The following ZNF121 variants were observed in gnomAD, a reference collection of about 807,000 sequenced individuals.
ZNF121 encodes the protein zinc finger protein 121 (clone ZHC32).
A neutral mutation model predicts 2.4 loss-of-function variants in ZNF121; 1 was observed. The observed-to-expected ratio is 0.41, with a 90% CI of 0.15 to 1.94. The LOEUF is 1.94. Ranked by LOEUF, ZNF121 falls within the 30% of genes most tolerant of loss-of-function variation. The pLI is 0.30. For synonymous variants in ZNF121, 173 were observed against 158.6 expected (o/e 1.09, Z -0.68); for missense variants, 369 against 466.3 (o/e 0.79, Z 1.92).
At chr19:9,584,121 G>C (rs555825314) in intron 1 of ZNF121, 3 of 152,334 alleles carry the variant, frequency 2.0e-5, no homozygotes, top group Non-Finnish European at 4.4e-5. Flanking sequence ...GCGGAAATGC[G>C]GGGCCGGAGC....
At chr19:9,570,745 G>A (rs542451334) in intron 1 of ZNF121, among the ~76,000 whole-genome samples, 104 of 35,386 alleles carry the variant, frequency 2.9e-3, no homozygotes, top group Admixed American at 4.4e-3. Flanking sequence ...TTTTTGCGAG[G>A]GGGGGGGGTA....
chr19:9,577,819 C>A (rs1242764998), intron 1 of ZNF121, among the ~76,000 whole-genome samples: 4 of 151,852 alleles, frequency 2.6e-5, no homozygotes, highest in Non-Finnish European at 5.9e-5. Context: ...GAGGCCGAGG[C>A]AGGTGGATCA....
In ZNF121 at chr19:9,560,471, ACACT is replaced by A. The variant is rs2074094995; in HGVS notation, c.*5465_*5468del. 1 of 152,210 alleles carries A rather than the reference ACACT, an allele frequency of 6.6e-6. No individual in the cohort carries two copies. The highest frequency in any genetic ancestry group is 2.4e-5 in the African/African-American group (1 of 41,460). The allele number at this position is 152,210 out of a possible 1,614,324, so 9.4% of individuals were successfully genotyped here. A position where few individuals can be genotyped will look rare whatever the true frequency, so the allele number is the denominator to read the frequency against. ...AAAGCTTTTCCATCTTGCGTGGCTG[ACACT>A]CAATACCCATTGAACAACTCATTTT... On this transcript the variant is annotated 3_prime_UTR_variant, in exon 4 of 4. Coordinates refer to ENST00000320451, the MANE Select transcript of ZNF121 (RefSeq NM_001008727.5).
chr19:9,566,863 C>G lies in ZNF121; in HGVS notation c.250G>C (p.Gly84Arg). 1.2e-6 allele frequency: 2 copies of G among 1,614,206 alleles called. No homozygotes were observed. Among genetic ancestry groups the G allele is most frequent in the Non-Finnish European group, 1.7e-6 (2 of 1,180,030 alleles). ...PPNVHQRTWIGDKSFEYSDCE... is the reference protein window; with the variant it reads ...PPNVHQRTWIRDKSFEYSDCE... ...TCACTGTATTCAAAGGATTTGTCTC[C>G]TATCCACGTTCTCTGGTGAACATTT... The change falls in exon 4 of 4, where the codon GGA becomes CGA. Residue 84 changes from glycine to arginine, a missense_variant. This residue lies in a region of ZNF121 where 168 missense variants were observed against 162.3 expected (regional missense o/e 1.03). Coordinates refer to ENST00000320451, the MANE Select transcript of ZNF121 (RefSeq NM_001008727.5).
intron 1 of ZNF121, among the ~76,000 whole-genome samples, chr19:9,570,744 G>A (rs748052874): frequency 5.0e-4 from 17 of 33,668 alleles, no homozygotes; most frequent in African/African-American, 4.4e-3. Flanking sequence ...TTTTTTGCGA[G>A]GGGGGGGGGT....
In ZNF121 at chr19:9,562,453, C is replaced by T. The variant is rs189904365; in HGVS notation, c.*3487G>A. 1.8e-5 allele frequency: 5 copies of T among 276,370 alleles called. No homozygotes were observed. Among genetic ancestry groups the T allele is most frequent in the East Asian group, 3.0e-4 (2 of 6,752 alleles). The allele number at this position is 276,370 out of a possible 1,614,324, so 17.1% of individuals were successfully genotyped here. A position where few individuals can be genotyped will look rare whatever the true frequency, so the allele number is the denominator to read the frequency against. ...TGCTGGGATTACAGGTGTGAGCCAC[C>T]GTGCCCGGCTGCTCTGTGATCTTTG... On this transcript the variant is annotated 3_prime_UTR_variant, in exon 4 of 4. Transcript: ENST00000320451.
chr19:9,565,839 T>C lies in ZNF121; in HGVS notation c.*101A>G, dbSNP rs957351675. The C allele has an allele frequency of 4.2e-6, 4 of 953,542 alleles. No individual in the cohort carries two copies. In the African/African-American group the frequency reaches 6.7e-5, roughly 16 times the overall value. 59.1% of individuals were successfully genotyped at this position (953,542 alleles called of 1,614,324 possible). A position where few individuals can be genotyped will look rare whatever the true frequency, so the allele number is the denominator to read the frequency against. On this transcript the variant is annotated 3_prime_UTR_variant, in exon 4 of 4. Coordinates refer to ENST00000320451, the MANE Select transcript of ZNF121 (RefSeq NM_001008727.5). ...TAACTGAAGGCCTCCTCACATTCTT[T>C]GTACCAATAAAATTTCTCTTCAGTG...
Position 9,566,400 on chromosome 19 carries a change from T to C in ZNF121, c.713A>G (p.Asn238Ser), listed in dbSNP as rs1318647709. 1.9e-6 allele frequency: 3 copies of C among 1,613,780 alleles called. No individual in the cohort carries two copies. Among genetic ancestry groups the C allele is most frequent in the African/African-American group, 1.3e-5 (1 of 74,906 alleles). ...YECNECGKAY[N>S]RFYLLTEHFK... ...ATGTTCAGTTAGTAGATAAAACCTA[T>C]TGTAGGCTTTCCCACATTCGTTACA... is the stretch of plus-strand genomic sequence containing the variant. The change falls in exon 4 of 4, where the codon AAT becomes AGT. Residue 238 changes from asparagine to serine, a missense_variant. Physicochemically the swap from Asn to Ser is conservative, Grantham distance 46. Coordinates refer to ENST00000320451, the MANE Select transcript of ZNF121 (RefSeq NM_001008727.5).
intron 1 of ZNF121, among the ~76,000 whole-genome samples, chr19:9,582,198 C>G (rs932501713): frequency 1.3e-5 from 2 of 152,318 alleles, no homozygotes; most frequent in Non-Finnish European, 2.9e-5. Context: ...GTCCCAGCTA[C>G]TAGGTGTCAG....
At position 9,567,171 on chromosome 19, in the gene ZNF121, C is replaced by T; in HGVS notation, c.4-62G>A. On this transcript the variant is annotated intron_variant, in intron 3 of 3. Coordinates refer to ENST00000320451, the MANE Select transcript of ZNF121 (RefSeq NM_001008727.5). ...TTCAGATTTATCAACAGATTTTACC[C>T]ATCTGAAATCAGACAGTTTATTATG... The T allele has an allele frequency of 2.8e-6, 4 of 1,404,760 alleles. No individual in the cohort carries two copies. The South Asian group carries it at 4.1e-5, about 14-fold the overall frequency. The allele number at this position is 1,404,760 out of a possible 1,614,324, so 87.0% of individuals were successfully genotyped here.
chr19:9,560,798 T>C lies in ZNF121; in HGVS notation c.*5142A>G, dbSNP rs2074097178. On this transcript the variant is annotated 3_prime_UTR_variant, in exon 4 of 4. Coordinates refer to ENST00000320451, the MANE Select transcript of ZNF121 (RefSeq NM_001008727.5). ...ATGAACACAGGTAGGCATTCACACATTGAGATGCTTTCTTCAGTTCCTTTG... is the reference window on the plus strand; with the variant it reads ...ATGAACACAGGTAGGCATTCACACACTGAGATGCTTTCTTCAGTTCCTTTG... 6.6e-6 allele frequency: 1 copy of C among 152,206 alleles called. No homozygotes were observed. Among genetic ancestry groups the C allele is most frequent in the Non-Finnish European group, 1.5e-5 (1 of 68,040 alleles). 9.4% of individuals were successfully genotyped at this position (152,206 alleles called of 1,614,324 possible).
At chr19:9,579,380 C>A (rs960586605) in intron 1 of ZNF121, among the ~76,000 whole-genome samples, 1 of 152,044 alleles carries the variant, frequency 6.6e-6, no homozygotes, top group African/African-American at 2.4e-5. Context: ...GACCTGTCTG[C>A]ACACATATGC....
rs2074145439 is a variant in ZNF121, at chr19:9,567,949, A to C, written c.3+146T>G. On this transcript the variant is annotated intron_variant, in intron 3 of 3. Transcript: ENST00000320451. ...CCCAGTTCCTAACACTAACAGAAAC[A>C]GTACCAGTGGGGACCCTTGCTCTAG... 3 of 843,936 alleles carry C rather than the reference A, an allele frequency of 3.6e-6. No homozygotes were observed. The South Asian group carries it at 7.3e-5, about 21-fold the overall frequency. The allele number at this position is 843,936 out of a possible 1,614,324, so 52.3% of individuals were successfully genotyped here. A position where few individuals can be genotyped will look rare whatever the true frequency, so the allele number is the denominator to read the frequency against.
chr19:9,583,030 G>A (rs1284845286), intron 1 of ZNF121, among the ~76,000 whole-genome samples: 1 of 128,888 alleles, frequency 7.8e-6, no homozygotes, highest in African/African-American at 3.1e-5. Flanking sequence ...TGGCGAGCAT[G>A]GTGAAACCCT....
At chr19:9,580,583 C>A (rs1288212048) in intron 1 of ZNF121, among the ~76,000 whole-genome samples, 1 of 152,140 alleles carries the variant, frequency 6.6e-6, no homozygotes, top group Non-Finnish European at 1.5e-5. Context: ...ATTTTGGAGG[C>A]AACATATACA....
rs199672494 is a variant in ZNF121 at position 9,566,485 on chromosome 19, C to T, written c.628G>A (p.Ala210Thr). 3.4e-5 allele frequency: 55 copies of T among 1,613,912 alleles called. No individual in the cohort carries two copies. Among genetic ancestry groups the T allele is most frequent in the South Asian group, 1.2e-4 (11 of 91,048 alleles). Residue 210 changes from alanine to threonine, a missense_variant, in exon 4 of 4, where the codon GCT becomes ACT. By Grantham distance (58) the Ala-to-Thr change is moderately conservative (BLOSUM62 0). Coordinates refer to ENST00000320451, the MANE Select transcript of ZNF121 (RefSeq NM_001008727.5). ...TGTTTAGTAAGGCCTGAGCGCCCAG[C>T]GAAGGCTCTTCCACATTCCTTACAT... Reference protein sequence around the residue: ...YQCKECGRAFAGRSGLTKHVR... With the variant: ...YQCKECGRAFTGRSGLTKHVR...
At chr19:9,568,205 A>C in intron 2 of ZNF121, 30 bp from the exon 3 acceptor site, 1 of 1,179,950 alleles carries the variant, frequency 8.5e-7, no homozygotes, top group Non-Finnish European at 1.2e-6. Flanking sequence ...AAGAAAAAAA[A>C]ATAGGGTCTG....
In ZNF121 at chr19:9,563,621, C is replaced by T. The variant is rs187619895; in HGVS notation, c.*2319G>A. ...TCTTTACTTTGTAGAGACAGCGTCA[C>T]GCTCTGTTGTGCTGGCTGGTCTTGA... On this transcript the variant is annotated 3_prime_UTR_variant, in exon 4 of 4. Transcript: ENST00000320451. 3.3e-5 allele frequency: 5 copies of T among 152,318 alleles called. No homozygotes were observed. Among genetic ancestry groups the T allele is most frequent in the Admixed American group, 1.3e-4 (2 of 15,292 alleles). 9.4% of individuals were successfully genotyped at this position (152,318 alleles called of 1,614,324 possible).
chr19:9,578,832 T>G (rs190462667), intron 1 of ZNF121, among the ~76,000 whole-genome samples: 1 of 152,108 alleles, frequency 6.6e-6, no homozygotes, highest in Admixed American at 6.5e-5. Flanking sequence ...AAAATAAACA[T>G]ATGAGATTAC....
Sources: gnomAD v4.1 joint callset for allele counts (sites outside exome capture counted in the v4.1 genomes callset) on GRCh38, gnomAD v4.1.1 for gene constraint, gnomAD v4.1.1 regional missense constraint, MANE v1.5 for transcripts, NCBI Gene and HGNC (gene_info 2026-07-23, HGNC 2026-07-21) for gene names.